ODF2: variants seen among roughly 807,000 people sequenced by gnomAD.
ODF2 encodes outer dense fiber protein 2.
ODF2 carries 47 observed loss-of-function variants against 110.2 expected under a neutral mutation model. That is an observed-to-expected ratio of 0.43 (90% confidence interval 0.34 to 0.54). ODF2 has a LOEUF of 0.54. ODF2 is among the 20% of genes least tolerant of loss of function. The pLI, the probability that ODF2 is intolerant of heterozygous loss-of-function variation, is 0.03. For missense variants in ODF2, 812 were observed against 1,054.5 expected (o/e 0.77, Z 3.19); for synonymous variants, 352 against 397.7 (o/e 0.89, Z 1.37).
At chr9:128,500,109 C>G (rs146801126) in exon 21 of ODF2, 1 of 1,614,266 alleles carries the variant, frequency 6.2e-7, no homozygotes, top group African/African-American at 1.3e-5. Flanking sequence ...CCTGAAAGAT[C>G]GCCTGGAGCA....
chr9:128,475,971 T>C (rs1340017298), intron 8 of ODF2, among the ~76,000 whole-genome samples: 1 of 152,016 alleles, frequency 6.6e-6, no homozygotes, highest in African/African-American at 2.4e-5. Flanking sequence ...GTTCCACATA[T>C]AAATGAAGTC....
chr9:128,487,355 C>A (rs913423075), intron 13 of ODF2, among the ~76,000 whole-genome samples: 3 of 152,174 alleles, frequency 2.0e-5, no homozygotes, highest in Non-Finnish European at 4.4e-5. Flanking sequence ...GTGGGACAGG[C>A]ATGGGAGTAC....
intron 6 of ODF2, among the ~76,000 whole-genome samples, chr9:128,472,427 G>A (rs951258074): frequency 4.6e-5 from 7 of 152,134 alleles, no homozygotes; most frequent in Admixed American, 3.3e-4. Flanking sequence ...GGCTGCTCTC[G>A]ATAACACCTG....
At chr9:128,488,939 G>A (rs751299427) in intron 14 of ODF2, among the ~76,000 whole-genome samples, 14 of 152,032 alleles carry the variant, frequency 9.2e-5, no homozygotes, top group Admixed American at 2.0e-4. Context: ...CCCAGGAAGT[G>A]GAGGTTGCAG....
intron 17 of ODF2, 142 bp from the exon 18 acceptor site, chr9:128,495,899 C>T: frequency 1.1e-6 from 1 of 920,374 alleles, no homozygotes. Flanking sequence ...TGTCCTTTCT[C>T]CTCTAGGTTG....
intron 2 of ODF2, 62 bp from the exon 2 acceptor site, chr9:128,459,504 GA>G (rs1369530502): frequency 2.3e-6 from 3 of 1,300,924 alleles, no homozygotes; most frequent in Non-Finnish European, 3.3e-6. Flanking sequence ...AATTTCATGA[GA>G]TCTGAAATAT....
chr9:128,487,337 G>A (rs1480252758), intron 13 of ODF2, among the ~76,000 whole-genome samples: 1 of 152,150 alleles, frequency 6.6e-6, no homozygotes, highest in Non-Finnish European at 1.5e-5. Context: ...AACGGACGTC[G>A]TTCAGAGGTG....
At position 128,485,361 on chromosome 9, in the gene ODF2, C is replaced by T. The variant is rs754853784; in HGVS notation, c.1291-4C>T. 58 of 1,561,480 alleles carry T rather than the reference C, an allele frequency of 3.7e-5. No individual in the cohort carries two copies. The Middle Eastern group carries it at 1.5e-3, about 39-fold the overall frequency. Reference sequence around the variant, plus strand: ...TAACAGGCCCTTTTGTCCCGTGTTCCCAGGATCTTTATGTCGCTGAAGCTT... The same window carrying T: ...TAACAGGCCCTTTTGTCCCGTGTTCTCAGGATCTTTATGTCGCTGAAGCTT... On this transcript the variant is annotated splice_region_variant and splice_polypyrimidine_tract_variant and intron_variant, in intron 12 of 20. Transcript: ENST00000604420. This position sits in a 1 kb window ranked among gnomAD's most constrained non-coding sequence, Gnocchi z 5.0.
At chr9:128,475,885 C>T (rs1309192056) in intron 8 of ODF2, among the ~76,000 whole-genome samples, 1 of 151,814 alleles carries the variant, frequency 6.6e-6, no homozygotes, top group Non-Finnish European at 1.5e-5. Flanking sequence ...ACCTTGTGAT[C>T]CGCTCACCTC....
intron 14 of ODF2, among the ~76,000 whole-genome samples, chr9:128,491,119 G>A (rs985202196): frequency 4.0e-5 from 6 of 151,616 alleles, no homozygotes; most frequent in African/African-American, 9.7e-5. Context: ...ATCTCAGCTC[G>A]CTGCAACCTC....
At chr9:128,460,642 G>C in intron 3 of ODF2, 1 of 1,614,086 alleles carries the variant, frequency 6.2e-7, no homozygotes, top group East Asian at 2.2e-5. Flanking sequence ...AAAAACTCCC[G>C]AAACCATCAG....
chr9:128,456,653 G>A, intron 1 of ODF2: 2 of 1,475,186 alleles, frequency 1.4e-6, no homozygotes, highest in African/African-American at 1.5e-5. Context: ...CGCCCCGACC[G>A]CCTCGTCCTC....
Position 128,499,998 on chromosome 9 carries a change from C to T in ODF2, c.2302-69C>T. Reference sequence around the variant, plus strand: ...ACCTCCTGGCAACTCCTAAGAAAGTCCCTATGTCTCTATGGATTTCTATTT... The same window carrying T: ...ACCTCCTGGCAACTCCTAAGAAAGTTCCTATGTCTCTATGGATTTCTATTT... On this transcript the variant is annotated intron_variant, in intron 20 of 20. Transcript: ENST00000604420. 1.9e-6 allele frequency: 3 copies of T among 1,564,510 alleles called. No homozygotes were observed. In the South Asian group the frequency reaches 3.5e-5, roughly 18 times the overall value.
At chr9:128,484,622 T>C in intron 11 of ODF2, 79 bp from the exon 12 acceptor site, 1 of 1,451,298 alleles carries the variant, frequency 6.9e-7, no homozygotes, top group Non-Finnish European at 9.4e-7. Context: ...CCTCCCTTTC[T>C]CCTTCACCCT....
intron 5 of ODF2, among the ~76,000 whole-genome samples, chr9:128,470,578 G>A (rs1693570457): frequency 2.6e-5 from 4 of 151,342 alleles, no homozygotes; most frequent in Admixed American, 6.6e-5. Context: ...AGCTGAGATC[G>A]TACCGCTGCA....
Position 128,494,358 on chromosome 9 carries a change from C to A in ODF2, c.1753-152C>A. 1 of 668,710 alleles carries A rather than the reference C, an allele frequency of 1.5e-6. No homozygotes were observed. The highest frequency in any genetic ancestry group is 2.7e-4 in the Middle Eastern group (1 of 3,648). 41.4% of individuals were successfully genotyped at this position (668,710 alleles called of 1,614,324 possible). On this transcript the variant is annotated intron_variant, in intron 16 of 20. Coordinates refer to ENST00000604420, the Ensembl canonical transcript of ODF2. This position sits in a 1 kb window ranked among gnomAD's most constrained non-coding sequence, Gnocchi z 4.6. Reference sequence around the variant, plus strand: ...CTCAATGGCCAGCGGGGAGTGTAGGCCACACTTCTGCTGTGGATTTTGCAG... The same window carrying A: ...CTCAATGGCCAGCGGGGAGTGTAGGACACACTTCTGCTGTGGATTTTGCAG...
At chr9:128,470,476 C>A (rs1230594390) in intron 5 of ODF2, among the ~76,000 whole-genome samples, 17 of 151,798 alleles carry the variant, frequency 1.1e-4, no homozygotes, top group Non-Finnish European at 1.3e-4. Context: ...ACTAAAAATA[C>A]AAAAATTTGC....
In ODF2 at chr9:128,492,881, T is replaced by G. The variant is rs942258185; in HGVS notation, c.1752+76T>G. 2.0e-5 allele frequency: 27 copies of G among 1,317,178 alleles called. No homozygotes were observed. In the African/African-American group the frequency reaches 2.9e-4, roughly 14 times the overall value. 81.6% of individuals were successfully genotyped at this position (1,317,178 alleles called of 1,614,324 possible). ...TCAATGACTGTGAGTCTGTTCCCCTTGTTTGCCTTTGACCCTACCTGATTT... is the reference window on the plus strand; with the variant it reads ...TCAATGACTGTGAGTCTGTTCCCCTGGTTTGCCTTTGACCCTACCTGATTT... On this transcript the variant is annotated intron_variant, in intron 16 of 20. Coordinates refer to ENST00000604420, the Ensembl canonical transcript of ODF2.
exon 5 of ODF2, chr9:128,469,244 G>A (rs139526122): frequency 1.3e-5 from 21 of 1,613,974 alleles, no homozygotes; most frequent in Admixed American, 3.3e-5. Flanking sequence ...TCAGTGATGC[G>A]GTTAAGTGAC....
Sources: allele counts gnomAD v4.1 joint callset (sites outside exome capture counted in the v4.1 genomes callset), GRCh38; gene constraint gnomAD v4.1.1; non-coding constraint Gnocchi (gnomAD v3.1); transcripts MANE v1.5; gene names NCBI Gene and HGNC (gene_info 2026-07-23, HGNC 2026-07-21).